Variants in ZFHX3 observed in about 807,000 individuals in gnomAD.
ZFHX3 encodes zinc finger homeobox protein 3.
In ZFHX3, 42 loss-of-function variants were observed where a neutral mutation model predicts 279.1. The observed-to-expected ratio is 0.15, with a 90% CI of 0.12 to 0.19. The LOEUF (loss-of-function observed/expected upper bound fraction) is 0.19. Among genes scored for constraint, ZFHX3 ranks in the 10% least tolerant of loss-of-function variants. The pLI is 1.00. For missense variants in ZFHX3, 4,981 were observed against 4,754.0 expected, an observed-to-expected ratio of 1.05 and a Z score of -1.40; for synonymous variants, 2,293 against 1,957.8, an observed-to-expected ratio of 1.17 and a Z score of -4.52.
intron 5 of ZFHX3, among the ~76,000 whole-genome samples, chr16:73,190,450 G>A (rs1968005289): frequency 6.6e-6 from 1 of 152,222 alleles, no homozygotes; most frequent in African/African-American, 2.4e-5. Context: ...ACATGGGAAA[G>A]AAGAACAATT....
chr16:73,844,035 A>G (rs1210142332), intron 1 of ZFHX3, among the ~76,000 whole-genome samples: 1 of 152,198 alleles, frequency 6.6e-6, no homozygotes, highest in East Asian at 1.9e-4. Context: ...TGGATTGCCA[A>G]CCCTTCCTGT....
At chr16:73,255,514 T>C (rs2013637609) in intron 5 of ZFHX3, among the ~76,000 whole-genome samples, 1 of 152,140 alleles carries the variant, frequency 6.6e-6, no homozygotes, top group Admixed American at 6.5e-5. Flanking sequence ...TTATATCCAG[T>C]CCACAGTAGA....
intron 6 of ZFHX3, chr16:73,131,189 G>A (rs1346178395): frequency 1.0e-5 from 4 of 386,454 alleles, no homozygotes; most frequent in East Asian, 7.5e-5. Flanking sequence ...ACAAGTCAAC[G>A]CACAGCATTA....
At chr16:72,895,070 G>A (rs911964087) in intron 3 of ZFHX3, among the ~76,000 whole-genome samples, 24 of 152,176 alleles carry the variant, frequency 1.6e-4, no homozygotes, top group African/African-American at 2.4e-5. Context: ...CCCATTTGGC[G>A]GGGGTTTGTT....
chr16:73,736,912 T>C (rs1309773049), intron 1 of ZFHX3, among the ~76,000 whole-genome samples: 2 of 152,232 alleles, frequency 1.3e-5, no homozygotes, highest in African/African-American at 2.4e-5. Context: ...GCTTTATTCA[T>C]GGTCAATGCT....
At chr16:72,801,338 G>A (rs980638902) in intron 7 of ZFHX3, among the ~76,000 whole-genome samples, 32 of 152,120 alleles carry the variant, frequency 2.1e-4, no homozygotes, top group Non-Finnish European at 4.3e-4. Context: ...ATTGGAATAC[G>A]TAGATTTCTG....
intron 2 of ZFHX3, among the ~76,000 whole-genome samples, chr16:73,661,160 G>T (rs1191579933): frequency 1.3e-5 from 2 of 152,082 alleles, no homozygotes; most frequent in Non-Finnish European, 2.9e-5. Flanking sequence ...GGAAATAAAG[G>T]GTCCGGTTTC....
intron 2 of ZFHX3, among the ~76,000 whole-genome samples, chr16:73,457,169 T>C (rs1406424606): frequency 1.3e-5 from 2 of 152,150 alleles, no homozygotes; most frequent in African/African-American, 4.8e-5. Flanking sequence ...TCTTCCTATT[T>C]TGGAGAATTT....
chr16:72,863,561 T>G (rs1347777522), intron 4 of ZFHX3, among the ~76,000 whole-genome samples: 1 of 145,142 alleles, frequency 6.9e-6, no homozygotes, highest in Non-Finnish European at 1.5e-5. Flanking sequence ...GAGAAAGAAA[T>G]AGGGATGAAA....
chr16:72,787,907 TGAA>T lies in ZFHX3; in HGVS notation c.10366_10368del (p.Phe3456del). ...AACTTGTACTGCACCTTTGGAACAA[TGAA>T]GGGGTCGTAGAGGGAGTCCGCACTT... is the stretch of plus-strand genomic sequence containing the variant. On this transcript the variant is annotated inframe_deletion, in exon 10 of 10. Transcript: ENST00000268489. 1 of 1,613,950 alleles carries T rather than the reference TGAA, an allele frequency of 6.2e-7. No individual in the cohort carries two copies. The highest frequency in any genetic ancestry group is 8.5e-7 in the Non-Finnish European group (1 of 1,179,960).
intron 1 of ZFHX3, among the ~76,000 whole-genome samples, chr16:73,873,133 T>A (rs533106584): frequency 6.0e-5 from 1 of 16,536 alleles, no homozygotes; most frequent in African/African-American, 2.2e-4. Flanking sequence ...CGGTGGATGG[T>A]GGTGGTGGTG....
At chr16:72,923,300 C>T (rs1959247380) in intron 3 of ZFHX3, among the ~76,000 whole-genome samples, 1 of 151,934 alleles carries the variant, frequency 6.6e-6, no homozygotes, top group African/African-American at 2.4e-5. Flanking sequence ...AAAAAGTTAG[C>T]TGGGCGGGGT....
intron 3 of ZFHX3, among the ~76,000 whole-genome samples, chr16:72,943,531 C>CA (rs1960515867): frequency 6.6e-6 from 1 of 151,734 alleles, no homozygotes. Flanking sequence ...GACCCAGTCT[C>CA]AAAAAAACAG....
At chr16:72,890,020 G>A in intron 3 of ZFHX3, 58 bp from the exon 4 acceptor site, 5 of 1,488,514 alleles carry the variant, frequency 3.4e-6, no homozygotes, top group East Asian at 2.4e-5. Context: ...GCGGCCACTG[G>A]CATCAGCCCA....
At chr16:73,618,838 T>G (rs2052330127) in intron 2 of ZFHX3, among the ~76,000 whole-genome samples, 1 of 152,324 alleles carries the variant, frequency 6.6e-6, no homozygotes, top group Non-Finnish European at 1.5e-5. Context: ...TCATGTTTTG[T>G]TGCTCTCCCT....
chr16:73,874,882 T>A (rs954166539), intron 1 of ZFHX3, among the ~76,000 whole-genome samples: 1 of 152,226 alleles, frequency 6.6e-6, no homozygotes, highest in Non-Finnish European at 1.5e-5. Context: ...GCTATTCCTA[T>A]CTTGGTCTGC....
intron 7 of ZFHX3, among the ~76,000 whole-genome samples, chr16:73,103,729 A>G (rs140449146): frequency 6.6e-6 from 1 of 152,246 alleles, no homozygotes; most frequent in East Asian, 1.9e-4. Flanking sequence ...TAAGTCACCC[A>G]ATGATTGTGG....
intron 3 of ZFHX3, among the ~76,000 whole-genome samples, chr16:73,397,948 G>C (rs1340356335): frequency 6.6e-6 from 1 of 152,126 alleles, no homozygotes; most frequent in Admixed American, 6.5e-5. Context: ...AGGTTCAAGT[G>C]ATCCTTCTGC....
intron 3 of ZFHX3, among the ~76,000 whole-genome samples, chr16:73,353,822 G>A (rs1368054546): frequency 4.6e-5 from 7 of 152,056 alleles, no homozygotes; most frequent in African/African-American, 1.4e-4. Context: ...AGATAAATAC[G>A]TTATTAATAC....
Sources: allele counts gnomAD v4.1 joint callset (sites outside exome capture counted in the v4.1 genomes callset), GRCh38; gene constraint gnomAD v4.1.1; transcripts MANE v1.5; gene names NCBI Gene and HGNC (gene_info 2026-07-23, HGNC 2026-07-21).